Variants in CNTN4 observed in about 807,000 individuals in gnomAD.
CNTN4 encodes the protein contactin-4.
CNTN4 carries 77 observed loss-of-function variants against 122.5 expected under a neutral mutation model. The observed-to-expected ratio is 0.63, with a 90% confidence interval of 0.52 to 0.76. The LOEUF is 0.76. CNTN4 is among the 30% of genes least tolerant of loss of function. CNTN4 has a pLI of 0.00. For missense variants in CNTN4, 1,256 were observed against 1,259.1 expected (o/e 1.00, Z 0.04); for synonymous variants, 512 against 447.0 (o/e 1.15, Z -1.83).
intron 4 of CNTN4, among the ~76,000 whole-genome samples, chr3:2,636,067 G>C (rs2082646016): frequency 1.3e-5 from 2 of 152,140 alleles, no homozygotes; most frequent in Non-Finnish European, 1.5e-5. Flanking sequence ...ATTTGAGACT[G>C]ATCTCCCATC....
At chr3:2,358,537 G>A (rs1020523694) in intron 3 of CNTN4, among the ~76,000 whole-genome samples, 1 of 151,814 alleles carries the variant, frequency 6.6e-6, no homozygotes, top group African/African-American at 2.4e-5. Flanking sequence ...GATTAATAGT[G>A]TAAACTTGCT....
chr3:2,460,326 G>A (rs564491957), intron 3 of CNTN4, among the ~76,000 whole-genome samples: 1 of 152,030 alleles, frequency 6.6e-6, no homozygotes, highest in Admixed American at 6.6e-5. Context: ...CATTCTGACT[G>A]TTTCCACTTT....
chr3:2,295,037 A>G (rs1204679310), intron 2 of CNTN4, among the ~76,000 whole-genome samples: 1 of 151,844 alleles, frequency 6.6e-6, no homozygotes, highest in Non-Finnish European at 1.5e-5. Context: ...ATAGTATTCC[A>G]TGGTGTATAT....
intron 2 of CNTN4, among the ~76,000 whole-genome samples, chr3:2,323,769 G>T (rs2043351894): frequency 6.6e-6 from 1 of 152,136 alleles, no homozygotes; most frequent in South Asian, 2.1e-4. Flanking sequence ...TTAGTGCCTT[G>T]ACTCAAATTT....
At chr3:2,248,687 G>A (rs2040248550) in intron 2 of CNTN4, among the ~76,000 whole-genome samples, 1 of 151,954 alleles carries the variant, frequency 6.6e-6, no homozygotes, top group Non-Finnish European at 1.5e-5. Flanking sequence ...GGAAGTTTGG[G>A]TGATGAGCTT....
chr3:2,284,263 G>A (rs2041828327), intron 2 of CNTN4, among the ~76,000 whole-genome samples: 1 of 152,032 alleles, frequency 6.6e-6, no homozygotes, highest in South Asian at 2.1e-4. Context: ...GTTAAGAATA[G>A]GAAATAAGCT....
intron 3 of CNTN4, among the ~76,000 whole-genome samples, chr3:2,439,776 G>A (rs2048371238): frequency 6.6e-6 from 1 of 152,106 alleles, no homozygotes; most frequent in African/African-American, 2.4e-5. Flanking sequence ...AAACATTGAA[G>A]CAGTTGTCTT....
chr3:2,398,492 T>A (rs1007042277), intron 3 of CNTN4, among the ~76,000 whole-genome samples: 1 of 152,146 alleles, frequency 6.6e-6, no homozygotes, highest in South Asian at 2.1e-4. Flanking sequence ...CCAAATTTAC[T>A]TTCTGTATGA....
chr3:2,625,540 A>G (rs562768842), intron 4 of CNTN4, among the ~76,000 whole-genome samples: 1 of 152,118 alleles, frequency 6.6e-6, no homozygotes, highest in Non-Finnish European at 1.5e-5. Context: ...CACTACTTTT[A>G]TGGTTTTGCC....
chr3:2,929,033 C>G (rs1284352804), intron 13 of CNTN4, among the ~76,000 whole-genome samples: 2 of 152,142 alleles, frequency 1.3e-5, no homozygotes, highest in Non-Finnish European at 2.9e-5. Flanking sequence ...TATGTTAATC[C>G]AAGCATCTAA....
At chr3:2,241,915 T>G (rs570855995) in intron 2 of CNTN4, among the ~76,000 whole-genome samples, 1 of 123,934 alleles carries the variant, frequency 8.1e-6, no homozygotes, top group South Asian at 2.6e-4. Flanking sequence ...ATCTCACTTA[T>G]CTTCTTGTTT....
chr3:2,688,923 G>T (rs1238688703), intron 4 of CNTN4, among the ~76,000 whole-genome samples: 1 of 152,130 alleles, frequency 6.6e-6, no homozygotes, highest in Non-Finnish European at 1.5e-5. Context: ...TACAGAACAG[G>T]TCCAAGATGA....
At chr3:2,146,277 T>A (rs1043248342) in intron 2 of CNTN4, among the ~76,000 whole-genome samples, 1 of 147,700 alleles carries the variant, frequency 6.8e-6, no homozygotes, top group Non-Finnish European at 1.5e-5. Flanking sequence ...CTGTTAATAT[T>A]TTTTTTTTTA....
At chr3:2,529,496 T>C (rs1037045104) in intron 3 of CNTN4, among the ~76,000 whole-genome samples, 4 of 152,210 alleles carry the variant, frequency 2.6e-5, no homozygotes, top group African/African-American at 9.6e-5. Context: ...ATAATGTTTA[T>C]TGACTTTCAT....
intron 2 of CNTN4, among the ~76,000 whole-genome samples, chr3:2,127,981 G>C (rs1278769264): frequency 1.3e-5 from 2 of 152,190 alleles, no homozygotes; most frequent in South Asian, 4.1e-4. Flanking sequence ...TATGAATTTT[G>C]TGTTGTTAAA....
intron 3 of CNTN4, among the ~76,000 whole-genome samples, chr3:2,447,651 G>GT: frequency 6.6e-6 from 1 of 152,046 alleles, no homozygotes; most frequent in African/African-American, 2.4e-5. Context: ...TATGTGTTGA[G>GT]TACAGATATA....
chr3:2,699,833 C>T (rs964007711), intron 4 of CNTN4, among the ~76,000 whole-genome samples: 3 of 152,130 alleles, frequency 2.0e-5, no homozygotes, highest in African/African-American at 7.2e-5. Context: ...TCTTCTTCAA[C>T]AGTAATGTGT....
intron 4 of CNTN4, among the ~76,000 whole-genome samples, chr3:2,603,689 TA>T (rs974708796): frequency 1.3e-5 from 2 of 152,328 alleles, no homozygotes; most frequent in South Asian, 2.1e-4. Context: ...TCCGGTGGAA[TA>T]AAAACAGCCC....
At chr3:2,594,414 ATCT>A (rs1278788897) in intron 4 of CNTN4, among the ~76,000 whole-genome samples, 143 of 117,526 alleles carry the variant, frequency 1.2e-3, no homozygotes, top group African/African-American at 4.1e-3. Context: ...AATAAAATGG[ATCT>A]TTTTTTTTTT....
Sources: gnomAD v4.1 joint callset for allele counts (sites outside exome capture counted in the v4.1 genomes callset) on GRCh38, gnomAD v4.1.1 for gene constraint, MANE v1.5 for transcripts, NCBI Gene and HGNC (gene_info 2026-07-23, HGNC 2026-07-21) for gene names.